MGA: variants seen among roughly 807,000 people sequenced by gnomAD.
MGA encodes the protein MAX dimerization protein MGA.
MGA carries 40 observed loss-of-function variants against 261.1 expected under a neutral mutation model. The observed-to-expected ratio is 0.15, with a 90% CI of 0.12 to 0.20. MGA has a LOEUF of 0.20. MGA is among the 10% of genes least tolerant of loss of function. The pLI is 1.00. For missense variants in MGA, 3,397 were observed against 3,630.5 expected (o/e 0.94, Z 1.65); for synonymous variants, 1,302 against 1,290.6 (o/e 1.01, Z -0.19).
At chr15:41,764,701 T>G (rs1354064239) in intron 22 of MGA, among the ~76,000 whole-genome samples, 185 bp from the exon 23 acceptor site, 2 of 151,898 alleles carry the variant, frequency 1.3e-5, no homozygotes, top group Non-Finnish European at 2.9e-5. Context: ...ACCCGCCTAA[T>G]TTAAAAAAAT....
At chr15:41,720,694 A>C (rs972333872) in intron 9 of MGA, among the ~76,000 whole-genome samples, 2 of 152,016 alleles carry the variant, frequency 1.3e-5, no homozygotes, top group Non-Finnish European at 2.9e-5. Context: ...TTAGCCGGGC[A>C]TGGTGGTGTG....
chr15:41,709,807 G>T, intron 7 of MGA, among the ~76,000 whole-genome samples: 1 of 138,722 alleles, frequency 7.2e-6, no homozygotes, highest in Non-Finnish European at 1.6e-5. Context: ...TTTTTCCCCT[G>T]TTATGTGTTT....
intron 15 of MGA, among the ~76,000 whole-genome samples, chr15:41,747,802 T>TAA (rs2062592528): frequency 6.6e-6 from 1 of 152,240 alleles, no homozygotes; most frequent in African/African-American, 2.4e-5. Flanking sequence ...ATTATCTCTT[T>TAA]AAATGTGCCT....
At position 41,762,460 on chromosome 15, in the gene MGA, G is replaced by GTTTTTTTTTTTTTTTT. The variant is rs1491528643; in HGVS notation, c.7744+98_7744+99insTTTTTTTTTTTTTTTT. The GTTTTTTTTTTTTTTTT allele has an allele frequency of 5.8e-5, 11 of 190,260 alleles. 2 individuals are homozygous for GTTTTTTTTTTTTTTTT. The highest frequency in any genetic ancestry group is 4.2e-4 in the African/African-American group (10 of 23,840). 11.8% of individuals were successfully genotyped at this position (190,260 alleles called of 1,614,324 possible). ...CTTGTCCACATTTTTAGTTTTGTGTGGTTTTTTTTTTTTTTTTTTTTTTTT... is the reference window on the plus strand; with the variant it reads ...CTTGTCCACATTTTTAGTTTTGTGTGTTTTTTTTTTTTTTTTGTTTTTTTTTTTTTTTTTTTTTTTT... On this transcript the variant is annotated intron_variant, in intron 22 of 23. Transcript: ENST00000219905.
At chr15:41,667,208 T>C (rs921531446) in intron 1 of MGA, among the ~76,000 whole-genome samples, 1 of 152,188 alleles carries the variant, frequency 6.6e-6, no homozygotes, top group African/African-American at 2.4e-5. Flanking sequence ...TCTTGTTGAT[T>C]TGTAGGAAGC....
chr15:41,753,267 A>T (rs2062956157), intron 17 of MGA, among the ~76,000 whole-genome samples: 1 of 152,102 alleles, frequency 6.6e-6, no homozygotes, highest in South Asian at 2.1e-4. Context: ...CAAATTAGCC[A>T]GGTGTGGTGG....
At chr15:41,649,654 A>G (rs1476804653) in intron 1 of MGA, among the ~76,000 whole-genome samples, 2 of 152,020 alleles carry the variant, frequency 1.3e-5, no homozygotes. Context: ...TCTTATTGTC[A>G]TCTTCCACAC....
intron 2 of MGA, among the ~76,000 whole-genome samples, chr15:41,690,994 G>GTT (rs386382831): frequency 0.13 from 13,649 of 104,142 alleles, 1,426 homozygotes; most frequent in East Asian, 0.63. Context: ...AGATTGCTTT[G>GTT]TTTTTTTTTT....
At chr15:41,643,279 G>A (rs1301992392) in intron 1 of MGA, among the ~76,000 whole-genome samples, 2 of 146,282 alleles carry the variant, frequency 1.4e-5, no homozygotes, top group African/African-American at 2.5e-5. Context: ...CTCACGCTGT[G>A]GCCCAGGCTG....
intron 9 of MGA, among the ~76,000 whole-genome samples, chr15:41,714,875 G>A (rs1253699617): frequency 2.0e-5 from 3 of 152,080 alleles, no homozygotes; most frequent in Non-Finnish European, 4.4e-5. Flanking sequence ...TTTTGTTTTA[G>A]ATTTGTATTT....
intron 1 of MGA, among the ~76,000 whole-genome samples, chr15:41,653,894 T>C (rs1393449880): frequency 6.6e-6 from 1 of 152,208 alleles, no homozygotes; most frequent in Non-Finnish European, 1.5e-5. Context: ...TATGTGGTGA[T>C]TGGGTGGGTC....
intron 1 of MGA, among the ~76,000 whole-genome samples, chr15:41,625,101 C>T (rs906044476): frequency 3.3e-5 from 5 of 152,110 alleles, no homozygotes; most frequent in African/African-American, 4.8e-5. Context: ...TGTGACGTGT[C>T]ACTGCACTCC....
intron 10 of MGA, among the ~76,000 whole-genome samples, chr15:41,728,585 T>C (rs796814627): frequency 3.9e-5 from 6 of 152,330 alleles, no homozygotes; most frequent in African/African-American, 1.4e-4. Context: ...GAAAATGTTG[T>C]TACTATTCAT....
At chr15:41,725,289 A>C (rs1015885212) in intron 9 of MGA, among the ~76,000 whole-genome samples, 2 of 152,208 alleles carry the variant, frequency 1.3e-5, no homozygotes, top group Non-Finnish European at 2.9e-5. Context: ...CCTGGGTAAC[A>C]TAGTGAGACC....
chr15:41,729,014 A>G (rs2061381766), intron 10 of MGA, 150 bp from the exon 11 acceptor site: 1 of 763,316 alleles, frequency 1.3e-6, no homozygotes, highest in African/African-American at 1.8e-5. Context: ...TTCGGCACAT[A>G]TGAACTGTAC....
At chr15:41,689,446 TAA>T (rs530240561) in intron 2 of MGA, among the ~76,000 whole-genome samples, 21 of 151,878 alleles carry the variant, frequency 1.4e-4, no homozygotes, top group African/African-American at 4.6e-4. Flanking sequence ...TCCTTAAAAA[TAA>T]AAAAAGTCAG....
intron 7 of MGA, among the ~76,000 whole-genome samples, chr15:41,709,390 C>G (rs146033293): frequency 2.2e-4 from 34 of 152,198 alleles, no homozygotes; most frequent in Non-Finnish European, 4.6e-4. Context: ...CACGCCTCTT[C>G]TTGTGGTCTT....
chr15:41,729,366 A>C lies in MGA; in HGVS notation c.3843+17A>C, dbSNP rs559862122. On this transcript the variant is annotated intron_variant, in intron 11 of 23. Transcript: ENST00000219905. ...AATGCAAAGGTGAGTTTCTTGTTGC[A>C]TAAGTTCTTTTTAACTTCTGATTAC... 1.3e-5 allele frequency: 20 copies of C among 1,593,780 alleles called. No homozygotes were observed. In the East Asian group the frequency reaches 4.0e-4, roughly 32 times the overall value.
At chr15:41,735,617 A>T (rs1187190377) in intron 12 of MGA, among the ~76,000 whole-genome samples, 1 of 152,026 alleles carries the variant, frequency 6.6e-6, no homozygotes, top group African/African-American at 2.4e-5. Context: ...CGCGTCCATA[A>T]TCTCAGCTAC....
Sources: allele counts gnomAD v4.1 joint callset (sites outside exome capture counted in the v4.1 genomes callset), GRCh38; gene constraint gnomAD v4.1.1; transcripts MANE v1.5; gene names NCBI Gene and HGNC (gene_info 2026-07-23, HGNC 2026-07-21).